The following SRFBP1 variants were observed in gnomAD, a reference collection of about 807,000 sequenced individuals.
The protein encoded by SRFBP1 is serum response factor-binding protein 1.
In SRFBP1, 47 loss-of-function variants were observed where a neutral mutation model predicts 45.5. The observed-to-expected ratio is 1.03, with a 90% CI of 0.82 to 1.32. The LOEUF is 1.32. SRFBP1 is among the 40% of genes most tolerant of loss of function. The probability of loss-of-function intolerance (pLI) is 0.00; values close to 1 mark genes in which losing one functional copy is unlikely to be tolerated. For missense variants in SRFBP1, 621 were observed against 484.6 expected (o/e 1.28, Z -2.64); for synonymous variants, 203 against 166.3 (o/e 1.22, Z -1.70).
chr5:122,020,649 A>G lies in SRFBP1; in HGVS notation c.914A>G (p.Lys305Arg). Reference sequence around the variant, plus strand: ...GAAAGTAGTTGTCATTCTTCAGTTAAGGAACAAAAACCACTAGAAAAAGTG... The same window carrying G: ...GAAAGTAGTTGTCATTCTTCAGTTAGGGAACAAAAACCACTAGAAAAAGTG... ...KKESSCHSSV[K>R]EQKPLEKVFL... Residue 305 changes from lysine to arginine, a missense_variant, in exon 6 of 8, where the codon AAG (lysine) becomes AGG (arginine). Transcript: ENST00000339397. The G allele has an allele frequency of 6.2e-7, 1 of 1,614,082 alleles. No individual in the cohort carries two copies. Among genetic ancestry groups the G allele is most frequent in the Non-Finnish European group, 8.5e-7 (1 of 1,179,986 alleles).
intron 2 of SRFBP1, among the ~76,000 whole-genome samples, chr5:122,036,380 G>T (rs1206670680): frequency 6.6e-6 from 1 of 152,064 alleles, no homozygotes; most frequent in Non-Finnish European, 1.5e-5. Flanking sequence ...GAGCATCCTA[G>T]TTGGCAACAT....
rs912072262 is a variant in SRFBP1, at chr5:122,021,668, CTTTTTTTTTTT to C, written c.1068-686_1068-676del. 1.1e-4 allele frequency among the ~76,000 whole-genome samples: 11 copies of C among 96,958 alleles called. No individual in the cohort carries two copies. The East Asian group carries it at 2.3e-3, about 20-fold the overall frequency. The allele number at this position is 96,958 out of a possible 152,430, so 63.6% of individuals were successfully genotyped here. A position where few individuals can be genotyped will look rare whatever the true frequency, so the allele number is the denominator to read the frequency against. ...TATCCCTTTACCACAAAATATAAAT[CTTTTTTTTTTT>C]TTTTTTTTTTTTTTTGAGACGGAGT... is the stretch of plus-strand genomic sequence containing the variant. On this transcript the variant is annotated intron_variant, in intron 6 of 7. Coordinates refer to ENST00000339397, the MANE Select transcript of SRFBP1 (RefSeq NM_152546.3).
intron 2 of SRFBP1, among the ~76,000 whole-genome samples, chr5:122,049,558 A>G (rs1460909927): frequency 6.6e-6 from 1 of 152,200 alleles, no homozygotes; most frequent in African/African-American, 2.4e-5. Flanking sequence ...TCCACCCGAA[A>G]TCAACAGAAT....
At chr5:122,031,744 A>G (rs1210170294), downstream of SRFBP1, among the ~76,000 whole-genome samples, 1 of 152,218 alleles carries the variant, frequency 6.6e-6, no homozygotes, top group South Asian at 2.1e-4. Context: ...CCAGATATCC[A>G]TCATCTGATG....
At chr5:122,078,595 A>T (rs1447362398), downstream of SRFBP1, among the ~76,000 whole-genome samples, 1 of 152,218 alleles carries the variant, frequency 6.6e-6, no homozygotes, top group African/African-American at 2.4e-5. Flanking sequence ...TGCACGAAGA[A>T]AAATGCTATT....
At chr5:122,036,396 A>T (rs538898395) in intron 2 of SRFBP1, among the ~76,000 whole-genome samples, 3 of 152,164 alleles carry the variant, frequency 2.0e-5, no homozygotes, top group African/African-American at 7.2e-5. Flanking sequence ...AACATTTTGC[A>T]CAAGTTGTCA....
At position 122,044,827 on chromosome 5, in the gene SRFBP1, T is replaced by C. The variant is rs188725339; in HGVS notation, n.311+22420T>C. Among the ~76,000 whole-genome samples, 760 of 151,946 alleles carry C rather than the reference T, an allele frequency of 5.0e-3. 9 individuals are homozygous for C. The highest frequency in any genetic ancestry group is 0.017 in the African/African-American group (716 of 41,286). On this transcript the variant is annotated intron_variant and non_coding_transcript_variant, in intron 2 of 2. Coordinates refer to the SRFBP1 transcript ENST00000504881. ...ATAGGTTTTCTCTTTATTCTGTTGA[T>C]AGTTTCTTTTGCTGTGCAAAAGCTC...
intron 4 of SRFBP1, among the ~76,000 whole-genome samples, chr5:122,004,560 T>C (rs1025691045): frequency 1.3e-5 from 2 of 152,158 alleles, no homozygotes; most frequent in African/African-American, 4.8e-5. Flanking sequence ...AGTCTTCTCA[T>C]TTTTGTAGTC....
intron 4 of SRFBP1, among the ~76,000 whole-genome samples, chr5:122,012,830 CTT>C (rs1753122006): frequency 6.6e-6 from 1 of 151,990 alleles, no homozygotes; most frequent in South Asian, 2.1e-4. Context: ...GTGCCTTTTT[CTT>C]TGAGGCTGAC....
chr5:122,071,065 A>G (rs1025911409), intron 2 of SRFBP1, among the ~76,000 whole-genome samples: 1 of 146,222 alleles, frequency 6.8e-6, no homozygotes, highest in Non-Finnish European at 1.5e-5. Context: ...GCTCTGCATT[A>G]TAACATGCTA....
chr5:122,045,311 T>A (rs1210366636), intron 2 of SRFBP1, among the ~76,000 whole-genome samples: 1 of 152,196 alleles, frequency 6.6e-6, no homozygotes, highest in African/African-American at 2.4e-5. Flanking sequence ...TTTGTTCTTT[T>A]TGTTTAAGAT....
intron 7 of SRFBP1, among the ~76,000 whole-genome samples, chr5:122,025,080 T>C (rs928728857): frequency 3.9e-5 from 6 of 152,150 alleles, no homozygotes; most frequent in Non-Finnish European, 8.8e-5. Flanking sequence ...CATTTACCAT[T>C]AGGTATATCT....
intron 2 of SRFBP1, chr5:122,070,695 GTC>G: frequency 1.7e-6 from 1 of 599,488 alleles, no homozygotes. Flanking sequence ...ACTTACAAGA[GTC>G]TGACATAAAA....
chr5:122,008,051 C>T (rs1398013078), intron 4 of SRFBP1, among the ~76,000 whole-genome samples: 1 of 152,154 alleles, frequency 6.6e-6, no homozygotes, highest in Non-Finnish European at 1.5e-5. Flanking sequence ...GGTGCCAAGA[C>T]AGGCTTGGAG....
At chr5:122,064,936 A>C (rs1561414215) in intron 2 of SRFBP1, 1 of 152,124 alleles carries the variant, frequency 6.6e-6, no homozygotes, top group Non-Finnish European at 1.5e-5. Flanking sequence ...CAGTATTAAT[A>C]CTGACAGTAG....
chr5:122,038,855 C>T (rs1046615976), intron 2 of SRFBP1, among the ~76,000 whole-genome samples: 2 of 152,214 alleles, frequency 1.3e-5, no homozygotes, highest in African/African-American at 2.4e-5. Flanking sequence ...TATCATTAAA[C>T]GTACTTTGGG....
At chr5:122,056,803 G>T (rs1754087369) in intron 2 of SRFBP1, among the ~76,000 whole-genome samples, 1 of 152,130 alleles carries the variant, frequency 6.6e-6, no homozygotes, top group African/African-American at 2.4e-5. Context: ...GAGATAGAAA[G>T]GTAAAGTCCC....
At chr5:121,970,836 A>G (rs192853404) in intron 1 of SRFBP1, among the ~76,000 whole-genome samples, 4 of 152,124 alleles carry the variant, frequency 2.6e-5, no homozygotes, top group South Asian at 2.1e-4. Context: ...TACTTGATCA[A>G]CTTCACAGAA....
chr5:121,967,322 T>C (rs576248023), intron 1 of SRFBP1, among the ~76,000 whole-genome samples: 1 of 152,268 alleles, frequency 6.6e-6, no homozygotes, highest in African/African-American at 2.4e-5. Context: ...TTTTCTGAAA[T>C]ATTAAATTAG....
Sources: gnomAD v4.1 joint callset for allele counts (sites outside exome capture counted in the v4.1 genomes callset) on GRCh38, gnomAD v4.1.1 for gene constraint, MANE v1.5 for transcripts, NCBI Gene and HGNC (gene_info 2026-07-23, HGNC 2026-07-21) for gene names.